Variants in PRKCE observed in about 807,000 individuals in gnomAD.
The protein encoded by PRKCE is protein kinase C epsilon, also known as protein kinase C epsilon type.
PRKCE carries 16 observed loss-of-function variants against 85.4 expected under a neutral mutation model. That is an observed-to-expected ratio of 0.19 (90% CI 0.13 to 0.28). The LOEUF is 0.28. Among genes scored for constraint, PRKCE ranks in the 10% least tolerant of loss-of-function variants. The pLI, the probability that PRKCE is intolerant of heterozygous loss-of-function variation, is 1.00. For missense variants in PRKCE, 573 were observed against 975.2 expected, an observed-to-expected ratio of 0.59 and a Z score of 5.49; for synonymous variants, 388 against 371.5, an observed-to-expected ratio of 1.04 and a Z score of -0.51.
intron 11 of PRKCE, among the ~76,000 whole-genome samples, chr2:46,087,507 C>T (rs1424624543): frequency 2.0e-5 from 3 of 152,222 alleles, no homozygotes; most frequent in African/African-American, 7.2e-5. Flanking sequence ...CCAGGCTTCC[C>T]TTCCTTCTGC....
In PRKCE at chr2:45,774,149, T is replaced by C. The variant is rs188531966; in HGVS notation, c.349-68851T>C. ...GGGGCTGGAGGGAGCCAGGGACTTG[T>C]CATCCTGGGAGTTCCAGGGCTGGGC... On this transcript the variant is annotated intron_variant, in intron 1 of 14. Coordinates refer to ENST00000306156, the MANE Select transcript of PRKCE (RefSeq NM_005400.3). This position sits in a 1 kb window ranked among gnomAD's most constrained non-coding sequence, Gnocchi z 4.3. Among the ~76,000 whole-genome samples, 308 of 152,226 alleles carry C rather than the reference T, an allele frequency of 2.0e-3. 3 individuals are homozygous for C. Among genetic ancestry groups the C allele is most frequent in the Middle Eastern group, 6.8e-3 (2 of 294 alleles).
At chr2:45,992,536 G>A (rs1001098655) in intron 6 of PRKCE, among the ~76,000 whole-genome samples, 1 of 152,120 alleles carries the variant, frequency 6.6e-6, no homozygotes, top group African/African-American at 2.4e-5. Context: ...TTTCCCATTT[G>A]CAAATATTTG....
rs1011447051 is a variant in PRKCE at position 46,182,371 on chromosome 2, C to G, written c.2068-2364C>G. ...TGGGGATGGTCTTTGTTGTTTCCCT[C>G]TCAAGCAGGGCCCTCCTTTTCCTCT... On this transcript the variant is annotated intron_variant, in intron 14 of 14. Coordinates refer to ENST00000306156, the MANE Select transcript of PRKCE (RefSeq NM_005400.3). Among the ~76,000 whole-genome samples the G allele has an allele frequency of 4.6e-5, 7 of 152,332 alleles. No individual in the cohort carries two copies. In the East Asian group the frequency reaches 1.4e-3, roughly 29 times the overall value.
intron 2 of PRKCE, among the ~76,000 whole-genome samples, chr2:45,853,987 C>A (rs1692478282): frequency 6.6e-6 from 1 of 152,196 alleles, no homozygotes; most frequent in South Asian, 2.1e-4. Context: ...CCCATCCCAC[C>A]AGCATTCCCC....
intron 1 of PRKCE, among the ~76,000 whole-genome samples, chr2:45,784,227 C>T (rs1686415498): frequency 6.6e-6 from 1 of 152,226 alleles, no homozygotes; most frequent in Non-Finnish European, 1.5e-5. Context: ...GGCCAGGATC[C>T]CAAGGAAGGA....
chr2:45,853,807 C>G (rs1692464207), intron 2 of PRKCE, among the ~76,000 whole-genome samples: 1 of 152,178 alleles, frequency 6.6e-6, no homozygotes, highest in Non-Finnish European at 1.5e-5. Flanking sequence ...GGGCATGGAT[C>G]TGAATGTTTA....
Position 45,961,053 on chromosome 2 carries a change from G to A in PRKCE, c.413-15376G>A, listed in dbSNP as rs144125435. 2.6e-3 allele frequency among the ~76,000 whole-genome samples: 399 copies of A among 152,284 alleles called. 4 individuals are homozygous for A. Among genetic ancestry groups the A allele is most frequent in the African/African-American group, 8.6e-3 (356 of 41,558 alleles). On this transcript the variant is annotated intron_variant, in intron 2 of 14. Transcript: ENST00000306156. ...TTTTTTAGAATACCAGGACTTTAGC[G>A]TCTCTGAATTCCCAGCTCTCAGGAG...
At chr2:45,896,140 G>T (rs1336193168) in intron 2 of PRKCE, among the ~76,000 whole-genome samples, 2 of 152,264 alleles carry the variant, frequency 1.3e-5, no homozygotes. Context: ...AGTTAACCTC[G>T]CTCTTTGTAG....
At chr2:45,661,560 G>A (rs111826626) in intron 1 of PRKCE, among the ~76,000 whole-genome samples, 1,555 of 120,116 alleles carry the variant, frequency 0.013, 35 homozygotes, top group African/African-American at 0.045. Flanking sequence ...AAGGAGTCTC[G>A]CTCTGTCGCC....
At chr2:45,954,021 G>A (rs778651450) in intron 2 of PRKCE, among the ~76,000 whole-genome samples, 12 of 152,182 alleles carry the variant, frequency 7.9e-5, no homozygotes, top group Non-Finnish European at 1.2e-4. Context: ...TCTAGTGCCA[G>A]TGCCTTTGCC....
At chr2:45,754,733 G>A (rs1005047241) in intron 1 of PRKCE, among the ~76,000 whole-genome samples, 17 of 152,296 alleles carry the variant, frequency 1.1e-4, no homozygotes, top group African/African-American at 2.6e-4. Flanking sequence ...AAGGTCCCTC[G>A]CTGCAATTTA....
At chr2:45,920,730 G>A (rs2103934105) in intron 2 of PRKCE, among the ~76,000 whole-genome samples, 1 of 152,296 alleles carries the variant, frequency 6.6e-6, no homozygotes, top group South Asian at 2.1e-4. Flanking sequence ...GGCTGGGGGT[G>A]GGGAATTGGA....
chr2:46,038,077 T>A (rs578158682), intron 10 of PRKCE, among the ~76,000 whole-genome samples: 1 of 152,192 alleles, frequency 6.6e-6, no homozygotes, highest in South Asian at 2.1e-4. Context: ...TTGCATCTGC[T>A]GAGGATGAAG....
At chr2:45,714,127 T>C (rs1225719399) in intron 1 of PRKCE, among the ~76,000 whole-genome samples, 2 of 152,230 alleles carry the variant, frequency 1.3e-5, no homozygotes, top group Admixed American at 1.3e-4. Context: ...AACACTGTGC[T>C]AAGTAGTGGC....
At chr2:46,055,452 G>A (rs1195202955) in intron 10 of PRKCE, among the ~76,000 whole-genome samples, 1 of 152,220 alleles carries the variant, frequency 6.6e-6, no homozygotes, top group African/African-American at 2.4e-5. Context: ...AAATACCCTG[G>A]TTCAATTCAA....
At chr2:46,015,703 A>C (rs1380467271) in intron 10 of PRKCE, among the ~76,000 whole-genome samples, 19 of 151,750 alleles carry the variant, frequency 1.3e-4, no homozygotes, top group African/African-American at 2.9e-4. Flanking sequence ...AAAAAAAAAA[A>C]AAAAAAAAAA....
chr2:46,079,587 T>C (rs1668874440), intron 10 of PRKCE, among the ~76,000 whole-genome samples: 1 of 152,250 alleles, frequency 6.6e-6, no homozygotes, highest in Non-Finnish European at 1.5e-5. Flanking sequence ...TTGGAGAAAC[T>C]GCTCATGCTG....
intron 1 of PRKCE, among the ~76,000 whole-genome samples, chr2:45,729,830 C>G (rs1329155323): frequency 6.6e-6 from 1 of 152,178 alleles, no homozygotes; most frequent in East Asian, 1.9e-4. Flanking sequence ...AGTACGTCCA[C>G]CTTGCCTCAA....
intron 14 of PRKCE, among the ~76,000 whole-genome samples, chr2:46,172,243 C>T (rs1213998557): frequency 6.6e-6 from 1 of 152,242 alleles, no homozygotes; most frequent in Non-Finnish European, 1.5e-5. Context: ...TCCCCCCAGG[C>T]ACTGCCAGCC....
Sources: allele counts gnomAD v4.1 joint callset (sites outside exome capture counted in the v4.1 genomes callset), GRCh38; gene constraint gnomAD v4.1.1; non-coding constraint Gnocchi (gnomAD v3.1); transcripts MANE v1.5; gene names NCBI Gene and HGNC (gene_info 2026-07-23, HGNC 2026-07-21).